PPP4R1: variants seen among roughly 807,000 people sequenced by gnomAD.
The protein encoded by PPP4R1 is protein phosphatase 4 regulatory subunit 1, also known as serine/threonine-protein phosphatase 4 regulatory subunit 1.
PPP4R1 carries 42 observed loss-of-function variants against 111.2 expected under a neutral mutation model. The ratio of observed to expected loss-of-function variants is 0.38; its 90% CI spans 0.29 to 0.49. The LOEUF (loss-of-function observed/expected upper bound fraction) is 0.49, where lower values mean the gene tolerates loss of function less well. Among genes scored for constraint, PPP4R1 ranks in the 20% least tolerant of loss-of-function variants. The pLI is 0.97. For missense variants in PPP4R1, 1,012 were observed against 1,161.6 expected, an observed-to-expected ratio of 0.87 and a Z score of 1.87; for synonymous variants, 409 against 405.5, an observed-to-expected ratio of 1.01 and a Z score of -0.10.
chr18:9,579,823 G>A (rs559283178), intron 9 of PPP4R1, among the ~76,000 whole-genome samples: 4 of 152,272 alleles, frequency 2.6e-5, no homozygotes, highest in Admixed American at 6.5e-5. Context: ...TAGGTTATAT[G>A]CAAATACTAT....
chr18:9,580,701 G>A (rs1397409656), intron 9 of PPP4R1, among the ~76,000 whole-genome samples: 1 of 152,158 alleles, frequency 6.6e-6, no homozygotes, highest in African/African-American at 2.4e-5. Flanking sequence ...AGACAGCAGT[G>A]TGCTGTAGCC....
rs996204883 is a variant in PPP4R1, at chr18:9,547,468, T to A, written c.*321A>T. 8.7e-6 allele frequency: 2 copies of A among 229,134 alleles called. No homozygotes were observed. The highest frequency in any genetic ancestry group is 4.4e-5 in the African/African-American group (2 of 45,130). 14.2% of individuals were successfully genotyped at this position (229,134 alleles called of 1,614,324 possible). A position where few individuals can be genotyped will look rare whatever the true frequency, so the allele number is the denominator to read the frequency against. On this transcript the variant is annotated 3_prime_UTR_variant, in exon 20 of 20. Transcript: ENST00000400556. The stretch of plus-strand genomic sequence containing the variant: ...GCAATGCAGGTCTCTGGGAATCTCA[T>A]CCCTTCCATAAGGAAAATGCTCTGC...
rs758389137 is a variant in PPP4R1 at position 9,557,189 on chromosome 18, T to A, written c.2190+32A>T. ...GATTTAGATTACGGCAGAATTTTGT[T>A]GTGTTTTTATGCAAAAAAATTTAAA... On this transcript the variant is annotated intron_variant, in intron 15 of 19. Transcript: ENST00000400556. The A allele has an allele frequency of 5.9e-6, 9 of 1,532,424 alleles. No individual in the cohort carries two copies. In the African/African-American group the frequency reaches 1.3e-4, roughly 22 times the overall value. The allele number at this position is 1,532,424 out of a possible 1,614,324, so 94.9% of individuals were successfully genotyped here.
chr18:9,552,527 G>C (rs147874148), intron 16 of PPP4R1, among the ~76,000 whole-genome samples: 13 of 152,330 alleles, frequency 8.5e-5, no homozygotes, highest in African/African-American at 2.4e-4. Flanking sequence ...ATAGGTGTTA[G>C]TGAGGAGACA....
Position 9,549,418 on chromosome 18 carries a change from G to A in PPP4R1, c.2548-80C>T. The A allele has an allele frequency of 2.0e-6, 3 of 1,511,164 alleles. No individual in the cohort carries two copies. In the South Asian group the frequency reaches 3.6e-5, roughly 18 times the overall value. 93.6% of individuals were successfully genotyped at this position (1,511,164 alleles called of 1,614,324 possible). A position where few individuals can be genotyped will look rare whatever the true frequency, so the allele number is the denominator to read the frequency against. On this transcript the variant is annotated intron_variant, in intron 18 of 19. Coordinates refer to ENST00000400556, the MANE Select transcript of PPP4R1 (RefSeq NM_001042388.3). ...GACTACTGGCTAACAAAATCTCTGA[G>A]TGACCACAGGTACAAATTTTAGTTA...
At chr18:9,590,532 T>C (rs1196316888) in intron 4 of PPP4R1, among the ~76,000 whole-genome samples, 1 of 152,190 alleles carries the variant, frequency 6.6e-6, no homozygotes, top group Non-Finnish European at 1.5e-5. Context: ...ATCAGCAACT[T>C]TTCTTTCTTC....
At chr18:9,606,488 AG>A (rs1287067612) in intron 2 of PPP4R1, among the ~76,000 whole-genome samples, 1 of 152,238 alleles carries the variant, frequency 6.6e-6, no homozygotes, top group Non-Finnish European at 1.5e-5. Context: ...TATAGTCTCC[AG>A]CAACAGGTAT....
chr18:9,588,068 GA>G lies in PPP4R1; in HGVS notation c.585+20del. On this transcript the variant is annotated intron_variant, in intron 6 of 19. Transcript: ENST00000400556. ...TTATCAGCCACATTTTGCATAAGTGGAAAAATGGCATTTGACTTACAGCCAC... is the reference window on the plus strand; with the variant it reads ...TTATCAGCCACATTTTGCATAAGTGGAAAATGGCATTTGACTTACAGCCAC... 1 of 1,613,222 alleles carries G rather than the reference GA, an allele frequency of 6.2e-7. No homozygotes were observed. The highest frequency in any genetic ancestry group is 8.5e-7 in the Non-Finnish European group (1 of 1,179,586).
At chr18:9,573,987 C>A (rs192488768) in intron 10 of PPP4R1, among the ~76,000 whole-genome samples, 1 of 151,974 alleles carries the variant, frequency 6.6e-6, no homozygotes, top group African/African-American at 2.4e-5. Context: ...TCAAAAATGT[C>A]GAAAGTATAA....
chr18:9,595,633 C>A (rs1014675846), intron 2 of PPP4R1, among the ~76,000 whole-genome samples: 13 of 152,112 alleles, frequency 8.5e-5, no homozygotes, highest in African/African-American at 2.9e-4. Flanking sequence ...GTGCCAAGTA[C>A]TAGGGTAGAT....
intron 2 of PPP4R1, among the ~76,000 whole-genome samples, chr18:9,607,252 T>C (rs2067495834): frequency 6.6e-6 from 1 of 151,906 alleles, no homozygotes; most frequent in South Asian, 2.1e-4. Context: ...TCCCAGCTAC[T>C]TGGTAAGCTG....
At chr18:9,585,131 C>A (rs2067095571) in intron 6 of PPP4R1, among the ~76,000 whole-genome samples, 1 of 152,138 alleles carries the variant, frequency 6.6e-6, no homozygotes, top group Admixed American at 6.6e-5. Context: ...ACTACTACTT[C>A]ATCATTTTGC....
chr18:9,589,891 CTG>C (rs1424951726), intron 4 of PPP4R1: 3 of 152,332 alleles, frequency 2.0e-5, no homozygotes, highest in Admixed American at 6.6e-5. Context: ...GAGCAAGACT[CTG>C]TCTCAAAAAC....
chr18:9,583,771 T>G (rs1300193971), intron 8 of PPP4R1, among the ~76,000 whole-genome samples: 2 of 151,846 alleles, frequency 1.3e-5, no homozygotes, highest in Non-Finnish European at 2.9e-5. Flanking sequence ...TTCCTAAAAG[T>G]ATAAAAAATA....
chr18:9,594,503 C>T (rs1055111597), intron 3 of PPP4R1, among the ~76,000 whole-genome samples: 1 of 152,128 alleles, frequency 6.6e-6, no homozygotes, highest in Non-Finnish European at 1.5e-5. Context: ...GTTACCCTTA[C>T]ATATTTTTAG....
intron 11 of PPP4R1, 57 bp downstream of exon 11, chr18:9,570,096 TAAGA>T (rs2066834986): frequency 2.1e-6 from 3 of 1,462,996 alleles, no homozygotes; most frequent in Admixed American, 2.6e-5. Flanking sequence ...GAAATTTTTT[TAAGA>T]TAGACACTAA....
intron 15 of PPP4R1, chr18:9,556,973 C>T (rs932714310): frequency 2.6e-5 from 8 of 304,778 alleles, no homozygotes; most frequent in African/African-American, 1.6e-4. Flanking sequence ...TTTTAACATA[C>T]ATTTCACTCA....
At chr18:9,593,091 C>T (rs1235516270) in intron 4 of PPP4R1, among the ~76,000 whole-genome samples, 1 of 151,916 alleles carries the variant, frequency 6.6e-6, no homozygotes, top group African/African-American at 2.4e-5. Flanking sequence ...AAAAGTCTGT[C>T]AGAGGTAGAA....
At position 9,614,380 on chromosome 18, in the gene PPP4R1, C is replaced by T. The variant is rs1157183060; in HGVS notation, c.7+98G>A. On this transcript the variant is annotated intron_variant, in intron 1 of 19. Transcript: ENST00000400556. This position sits in a 1 kb window ranked among gnomAD's most constrained non-coding sequence, Gnocchi z 4.1. ...CCGGGGGCGCCTTCCCGCGCCGGGA[C>T]CCCACGCCGGCCCCGGCCCGGCAGC... 8.8e-6 allele frequency: 9 copies of T among 1,024,986 alleles called. No homozygotes were observed. Among genetic ancestry groups the T allele is most frequent in the Non-Finnish European group, 1.1e-5 (9 of 852,196 alleles). 63.5% of individuals were successfully genotyped at this position (1,024,986 alleles called of 1,614,324 possible).
Sources: allele counts gnomAD v4.1 joint callset (sites outside exome capture counted in the v4.1 genomes callset), GRCh38; gene constraint gnomAD v4.1.1; non-coding constraint Gnocchi (gnomAD v3.1); transcripts MANE v1.5; gene names NCBI Gene and HGNC (gene_info 2026-07-23, HGNC 2026-07-21).